ATP6V0A1: variants seen among roughly 807,000 people sequenced by gnomAD.
The protein encoded by ATP6V0A1 is V-type proton ATPase 116 kDa subunit a 1.
Under a neutral mutation model 105.4 loss-of-function variants are expected in ATP6V0A1, and 43 were observed. That is an observed-to-expected ratio of 0.41 (90% CI 0.32 to 0.53). The LOEUF (loss-of-function observed/expected upper bound fraction) is 0.53. Ranked by LOEUF, ATP6V0A1 falls within the 20% of genes least tolerant of loss-of-function variation. The pLI is 0.30. For synonymous variants in ATP6V0A1, 362 were observed against 372.8 expected (o/e 0.97, Z 0.33); for missense variants, 676 against 1,051.1 (o/e 0.64, Z 4.93).
At chr17:42,500,671 AT>A (rs1276176747) in intron 15 of ATP6V0A1, 35 bp from the exon 16 acceptor site, 1 of 1,557,926 alleles carries the variant, frequency 6.4e-7, no homozygotes, top group Non-Finnish European at 8.8e-7. Context: ...CCCTAGGCCC[AT>A]TTACCCTTAA....
At chr17:42,490,757 T>A in intron 11 of ATP6V0A1, 120 bp downstream of exon 11, 1 of 1,084,420 alleles carries the variant, frequency 9.2e-7, no homozygotes, top group Non-Finnish European at 1.3e-6. Flanking sequence ...AGCACGACTG[T>A]AGTTCACTGC....
intron 10 of ATP6V0A1, among the ~76,000 whole-genome samples, chr17:42,489,434 G>C (rs1411702450): frequency 6.6e-6 from 1 of 152,092 alleles, no homozygotes; most frequent in Non-Finnish European, 1.5e-5. Flanking sequence ...GGATTGAGGA[G>C]TGAAGAGATT....
intron 21 of ATP6V0A1, among the ~76,000 whole-genome samples, chr17:42,516,433 C>T (rs1253710534): frequency 1.3e-5 from 2 of 152,176 alleles, no homozygotes; most frequent in African/African-American, 4.8e-5. Flanking sequence ...CCCCACCCAG[C>T]TCATCTGGCT....
chr17:42,465,165 T>G (rs1255729707), intron 2 of ATP6V0A1, among the ~76,000 whole-genome samples: 1 of 151,918 alleles, frequency 6.6e-6, no homozygotes, highest in Non-Finnish European at 1.5e-5. Flanking sequence ...GCTAATTTTT[T>G]GTATTTTTAG....
At chr17:42,514,520 G>C in intron 21 of ATP6V0A1, 60 bp downstream of exon 21, 1 of 1,466,654 alleles carries the variant, frequency 6.8e-7, no homozygotes, top group Non-Finnish European at 9.1e-7. Flanking sequence ...TGCGGTGAGA[G>C]GGCAGCTTTT....
intron 13 of ATP6V0A1, 53 bp downstream of exon 13, chr17:42,495,241 C>A: frequency 6.3e-7 from 1 of 1,577,960 alleles, no homozygotes; most frequent in South Asian, 1.1e-5. Context: ...ATGTGCAGCC[C>A]TGATTTTTAA....
intron 15 of ATP6V0A1, among the ~76,000 whole-genome samples, chr17:42,499,449 C>T (rs575880869): frequency 2.7e-5 from 4 of 149,668 alleles, no homozygotes; most frequent in South Asian, 4.2e-4. Flanking sequence ...CCAGCCTGAG[C>T]GACAGAGTGA....
intron 21 of ATP6V0A1, among the ~76,000 whole-genome samples, chr17:42,514,831 G>T (rs906211803): frequency 2.0e-5 from 3 of 152,122 alleles, no homozygotes; most frequent in Non-Finnish European, 4.4e-5. Flanking sequence ...AGTGGAAGCA[G>T]CTCTGGAATG....
chr17:42,492,262 G>A (rs1041907469), intron 11 of ATP6V0A1, among the ~76,000 whole-genome samples: 3 of 152,014 alleles, frequency 2.0e-5, no homozygotes, highest in Admixed American at 6.6e-5. Context: ...CCAGCTACTC[G>A]GGAGGCTGAG....
chr17:42,499,269 G>A lies in ATP6V0A1; in HGVS notation c.1679+227G>A, dbSNP rs553753931. The stretch of plus-strand genomic sequence containing the variant: ...GTGGATCACCTGAGGTCAGGAGTTC[G>A]AAACCAGCCTGGCCAACACGATGAA... On this transcript the variant is annotated intron_variant, in intron 15 of 21. Coordinates refer to ENST00000343619, the MANE Select transcript of ATP6V0A1 (RefSeq NM_001130021.3). Among the ~76,000 whole-genome samples, 29 of 151,988 alleles carry A rather than the reference G, an allele frequency of 1.9e-4. 1 individual carries two copies. In the East Asian group the frequency reaches 4.8e-3, roughly 25 times the overall value.
intron 3 of ATP6V0A1, among the ~76,000 whole-genome samples, chr17:42,467,362 C>G (rs1480648405): frequency 2.0e-5 from 3 of 152,156 alleles, no homozygotes; most frequent in African/African-American, 7.2e-5. Flanking sequence ...AGGTTGCTCT[C>G]TCTGGCTCAA....
Position 42,521,207 on chromosome 17 carries a change from T to G in ATP6V0A1, c.*87T>G. ...GTGCCTCTCTGCCTGTTGGTTGTGA[T>G]CTGTGGGCACCAGCTCATTCGTGTC... On this transcript the variant is annotated 3_prime_UTR_variant, in exon 22 of 22. Coordinates refer to ENST00000343619, the MANE Select transcript of ATP6V0A1 (RefSeq NM_001130021.3). The surrounding 1 kb of genome is among the most constrained non-coding windows in gnomAD (Gnocchi z 4.8). 1 of 1,230,188 alleles carries G rather than the reference T, an allele frequency of 8.1e-7. No individual in the cohort carries two copies. Among genetic ancestry groups the G allele is most frequent in the Non-Finnish European group, 1.1e-6 (1 of 883,590 alleles). The allele number at this position is 1,230,188 out of a possible 1,614,324, so 76.2% of individuals were successfully genotyped here.
chr17:42,491,206 G>A (rs2090591470), intron 11 of ATP6V0A1, among the ~76,000 whole-genome samples: 1 of 152,002 alleles, frequency 6.6e-6, no homozygotes, highest in South Asian at 2.1e-4. Flanking sequence ...CACTATGCCT[G>A]GCCTTTTTGT....
chr17:42,460,098 T>A (rs759427346), intron 1 of ATP6V0A1: 2 of 152,148 alleles, frequency 1.3e-5, no homozygotes, highest in Non-Finnish European at 2.9e-5. Context: ...GATGGAAGAA[T>A]GTAATTAATC....
In ATP6V0A1 at chr17:42,468,076, T is replaced by A; in HGVS notation, c.263T>A (p.Val88Asp). 1 of 1,599,928 alleles carries A rather than the reference T, an allele frequency of 6.3e-7. No individual in the cohort carries two copies. The highest frequency in any genetic ancestry group is 8.5e-7 in the Non-Finnish European group (1 of 1,172,576). The change falls in exon 4 of 22, where the codon GTT (valine) becomes GAT (aspartate). Residue 88 changes from valine (V) to aspartate (D), a missense_variant. Coordinates refer to ENST00000343619, the MANE Select transcript of ATP6V0A1 (RefSeq NM_001130021.3). ...ATGGACACCGGTGAAAACCCAGAGG[T>A]TCCCTTCCCCCGGGACATGATTGAC... Reference protein sequence around the residue: ...PIMDTGENPEVPFPRDMIDLE... With the variant: ...PIMDTGENPEDPFPRDMIDLE...
intron 8 of ATP6V0A1, chr17:42,481,397 T>G (rs2089487914): frequency 6.6e-6 from 1 of 152,026 alleles, no homozygotes; most frequent in Non-Finnish European, 1.5e-5. Flanking sequence ...TTTTTTTGTA[T>G]TTTTAGTAGA....
At chr17:42,461,626 A>T (rs2086411458) in intron 2 of ATP6V0A1, among the ~76,000 whole-genome samples, 1 of 152,100 alleles carries the variant, frequency 6.6e-6, no homozygotes, top group Admixed American at 6.6e-5. Flanking sequence ...TACAAAAAAA[A>T]TTAGCATGGT....
chr17:42,473,149 TCA>T (rs543561595), intron 5 of ATP6V0A1, among the ~76,000 whole-genome samples: 1 of 152,228 alleles, frequency 6.6e-6, no homozygotes, highest in South Asian at 2.1e-4. Flanking sequence ...TTTAGTTTGC[TCA>T]CAGAGTCGAG....
At chr17:42,466,545 G>C in intron 3 of ATP6V0A1, 38 bp downstream of exon 3, 1 of 1,533,076 alleles carries the variant, frequency 6.5e-7, no homozygotes, top group Middle Eastern at 1.7e-4. Context: ...TTCCTTTAAT[G>C]AATCATTTGT....
Sources: allele counts gnomAD v4.1 joint callset (sites outside exome capture counted in the v4.1 genomes callset), GRCh38; gene constraint gnomAD v4.1.1; non-coding constraint Gnocchi (gnomAD v3.1); transcripts MANE v1.5; gene names NCBI Gene and HGNC (gene_info 2026-07-23, HGNC 2026-07-21).